Variants in PRKAG2 observed in about 807,000 individuals in gnomAD.
PRKAG2 encodes protein kinase AMP-activated non-catalytic subunit gamma 2.
A neutral mutation model predicts 69.6 loss-of-function variants in PRKAG2; 26 were observed. The observed-to-expected ratio is 0.37, with a 90% CI of 0.27 to 0.52. The LOEUF (loss-of-function observed/expected upper bound fraction) is 0.52. Among genes scored for constraint, PRKAG2 ranks in the 20% least tolerant of loss-of-function variants. The pLI, the probability that PRKAG2 is intolerant of heterozygous loss-of-function variation, is 0.90. For synonymous variants in PRKAG2, 293 were observed against 285.0 expected, an observed-to-expected ratio of 1.03 and a Z score of -0.28; for missense variants, 557 against 740.0, an observed-to-expected ratio of 0.75 and a Z score of 2.87.
At chr7:151,658,653 A>G (rs1829863020) in intron 4 of PRKAG2, among the ~76,000 whole-genome samples, 1 of 152,208 alleles carries the variant, frequency 6.6e-6, no homozygotes, top group Non-Finnish European at 1.5e-5. Context: ...GGGTGCGAAC[A>G]CACGCCGAAA....
intron 3 of PRKAG2, chr7:151,736,376 T>C (rs1799806620): frequency 1.1e-6 from 1 of 927,602 alleles, no homozygotes; most frequent in Non-Finnish European, 1.3e-6. Context: ...ACTGATACTC[T>C]CCAGGGCTTT....
chr7:151,756,774 C>T lies in PRKAG2; in HGVS notation c.466+24378G>A, dbSNP rs888108135. On this transcript the variant is annotated intron_variant, in intron 3 of 15. Transcript: ENST00000287878. This position sits in a 1 kb window ranked among gnomAD's most constrained non-coding sequence, Gnocchi z 4.9. ...GGTCGCTTCCCAAACTCTAGTCTGG[C>T]GTCTCAGCTCTTTCCTCACCTTTAT... is the stretch of plus-strand genomic sequence containing the variant. Among the ~76,000 whole-genome samples, 2 of 152,198 alleles carry T rather than the reference C, an allele frequency of 1.3e-5. No individual in the cohort carries two copies. The highest frequency in any genetic ancestry group is 4.8e-5 in the African/African-American group (2 of 41,448).
chr7:151,786,236 A>C (rs974273419), intron 2 of PRKAG2, among the ~76,000 whole-genome samples: 2 of 152,180 alleles, frequency 1.3e-5, no homozygotes, highest in African/African-American at 4.8e-5. Context: ...CCACGTGAGG[A>C]GAAGAAAAAG....
chr7:151,808,344 A>C (rs2078228055), intron 1 of PRKAG2, among the ~76,000 whole-genome samples: 1 of 152,006 alleles, frequency 6.6e-6, no homozygotes, highest in African/African-American at 2.4e-5. Context: ...GGATTTACTT[A>C]TCTCTCTTCA....
intron 3 of PRKAG2, among the ~76,000 whole-genome samples, chr7:151,723,319 C>G (rs1470065868): frequency 1.3e-5 from 2 of 152,148 alleles, no homozygotes; most frequent in Non-Finnish European, 1.5e-5. Flanking sequence ...TCAAAGAGTT[C>G]TGGGTCTGGA....
chr7:151,782,388 G>GGAAA (rs2076756202), intron 2 of PRKAG2, among the ~76,000 whole-genome samples: 1 of 56,158 alleles, frequency 1.8e-5, no homozygotes, highest in Non-Finnish European at 4.2e-5. Flanking sequence ...AAAGAAGGAA[G>GGAAA]GAAGGAAGGA....
At position 151,699,563 on chromosome 7, in the gene PRKAG2, A is replaced by C. The variant is rs1837315765; in HGVS notation, c.467-23926T>G. ...GGCCTTTCAGACTACTTTTGCTTTG[A>C]AATAAATCAGTGAATCAATGAGATG... On this transcript the variant is annotated intron_variant, in intron 3 of 15. Coordinates refer to ENST00000287878, the MANE Select transcript of PRKAG2 (RefSeq NM_016203.4). The surrounding 1 kb of genome is among the most constrained non-coding windows in gnomAD (Gnocchi z 4.5). Among the ~76,000 whole-genome samples, 1 of 152,250 alleles carries C rather than the reference A, an allele frequency of 6.6e-6. No individual in the cohort carries two copies. Among genetic ancestry groups the C allele is most frequent in the Non-Finnish European group, 1.5e-5 (1 of 68,046 alleles).
chr7:151,622,310 G>A (rs758268865), intron 5 of PRKAG2, among the ~76,000 whole-genome samples: 6 of 152,212 alleles, frequency 3.9e-5, no homozygotes, highest in Non-Finnish European at 5.9e-5. Flanking sequence ...ATAAATGTGT[G>A]CACCTCTTTG....
At chr7:151,604,308 T>C (rs1816948898) in intron 5 of PRKAG2, among the ~76,000 whole-genome samples, 1 of 152,216 alleles carries the variant, frequency 6.6e-6, no homozygotes. Context: ...TGCATTAGCA[T>C]GGTGCAGCGG....
intron 3 of PRKAG2, among the ~76,000 whole-genome samples, chr7:151,720,829 GA>G (rs1395160541): frequency 7.1e-6 from 1 of 141,760 alleles, no homozygotes; most frequent in African/African-American, 2.7e-5. Flanking sequence ...GGAGGGGATA[GA>G]GGGGACAGAA....
At chr7:151,734,548 C>T (rs564702995) in intron 3 of PRKAG2, among the ~76,000 whole-genome samples, 1 of 152,254 alleles carries the variant, frequency 6.6e-6, no homozygotes, top group East Asian at 1.9e-4. Context: ...TGGCAATGCG[C>T]TGACTCTGAT....
intron 1 of PRKAG2, among the ~76,000 whole-genome samples, chr7:151,865,998 T>C (rs1000268096): frequency 5.2e-5 from 7 of 134,758 alleles, no homozygotes; most frequent in Non-Finnish European, 1.1e-4. Context: ...CCAGCTTGGG[T>C]GACAGAGCAA....
At chr7:151,700,511 G>A (rs554370441) in intron 3 of PRKAG2, among the ~76,000 whole-genome samples, 18 of 152,294 alleles carry the variant, frequency 1.2e-4, no homozygotes, top group Non-Finnish European at 2.5e-4. Flanking sequence ...CCTTTTTAAC[G>A]CAGGCTTGTG....
chr7:151,702,129 A>G (rs1159086233), intron 3 of PRKAG2, among the ~76,000 whole-genome samples: 1 of 152,244 alleles, frequency 6.6e-6, no homozygotes. Context: ...GATGGACAGC[A>G]TGGATACAGA....
chr7:151,653,978 TA>T (rs1221713529), intron 4 of PRKAG2, among the ~76,000 whole-genome samples: 1 of 152,216 alleles, frequency 6.6e-6, no homozygotes, highest in Non-Finnish European at 1.5e-5. Flanking sequence ...AGTTGATAAA[TA>T]CCCTTATATG....
chr7:151,844,490 G>A (rs549931792), intron 1 of PRKAG2, among the ~76,000 whole-genome samples: 1 of 152,320 alleles, frequency 6.6e-6, no homozygotes, highest in African/African-American at 2.4e-5. Flanking sequence ...GTGTCCATCG[G>A]AGCAGTGGTT....
chr7:151,597,763 TAAACA>T (rs61457059), intron 5 of PRKAG2, among the ~76,000 whole-genome samples: 6,468 of 139,846 alleles, frequency 0.046, 455 homozygotes, highest in African/African-American at 0.16. Context: ...ATGGCTATTA[TAAACA>T]AAACAAAACA....
intron 4 of PRKAG2, among the ~76,000 whole-genome samples, chr7:151,641,488 T>C (rs1002407143): frequency 6.6e-6 from 1 of 152,064 alleles, no homozygotes; most frequent in African/African-American, 2.4e-5. Flanking sequence ...CCTCAAGTGA[T>C]CCACCCACCT....
intron 3 of PRKAG2, chr7:151,736,043 C>T (rs1178395864): frequency 9.1e-6 from 14 of 1,535,692 alleles, no homozygotes; most frequent in Non-Finnish European, 1.2e-5. Flanking sequence ...TCAGGACCCA[C>T]AGAACCGGTG....
Sources: allele counts gnomAD v4.1 joint callset (sites outside exome capture counted in the v4.1 genomes callset), GRCh38; gene constraint gnomAD v4.1.1; non-coding constraint Gnocchi (gnomAD v3.1); transcripts MANE v1.5; gene names NCBI Gene and HGNC (gene_info 2026-07-23, HGNC 2026-07-21).